The following GSDMB variants were observed in gnomAD, a reference collection of about 807,000 sequenced individuals.
GSDMB encodes gasdermin-B.
In GSDMB, 32 loss-of-function variants were observed where a neutral mutation model predicts 42.9. The ratio of observed to expected loss-of-function variants is 0.75; its 90% CI spans 0.56 to 1.00. GSDMB has a LOEUF of 1.00. GSDMB is among the 50% of genes least tolerant of loss of function. The pLI is 0.00. For missense variants in GSDMB, 468 were observed against 498.5 expected (o/e 0.94, Z 0.58); for synonymous variants, 175 against 193.7 (o/e 0.90, Z 0.80).
At chr17:39,911,235 A>C (rs964502077) in intron 3 of GSDMB, among the ~76,000 whole-genome samples, 1 of 150,652 alleles carries the variant, frequency 6.6e-6, no homozygotes, top group Non-Finnish European at 1.5e-5. Flanking sequence ...AGGCAGAAGA[A>C]TCTCTTGAAT....
intron 2 of GSDMB, among the ~76,000 whole-genome samples, chr17:39,913,022 G>C (rs947217603): frequency 6.6e-6 from 1 of 152,096 alleles, no homozygotes; most frequent in Non-Finnish European, 1.5e-5. Flanking sequence ...CATGAGAATC[G>C]CTTGAACCCA....
chr17:39,909,012 G>T lies in GSDMB; in HGVS notation c.607C>A (p.Arg203=). The T allele has an allele frequency of 6.2e-7, 1 of 1,602,374 alleles. No individual in the cohort carries two copies. The change falls in exon 5 of 11, where the codon CGG becomes AGG. Residue 203 remains arginine, a synonymous_variant. Transcript: ENST00000418519. ...TGCTTTACTCGATAGCTCAGGACCC[G>T]ATTTGGGGGGATGGTCACTTCCCTT... The part of the protein sequence containing the change: ...GQREVTIPPN[R]VLSYRVKQLV...
rs777735571 is a variant in GSDMB, at chr17:39,912,513, T to C, written c.236-16A>G. 6 of 1,602,070 alleles carry C rather than the reference T, an allele frequency of 3.7e-6. No homozygotes were observed. The Admixed American group carries it at 8.3e-5, about 22-fold the overall frequency. On this transcript the variant is annotated splice_polypyrimidine_tract_variant and intron_variant, in intron 2 of 10. Coordinates refer to ENST00000418519, the MANE Select transcript of GSDMB (RefSeq NM_001165958.2). ...GCCTTTTGACCTGGAAAGAGAATGA[T>C]AAAGGTCACTCTGGAGCAGACCCCC...
rs1337250775 is a variant in GSDMB at position 39,909,905 on chromosome 17, G to A, written c.427C>T (p.Pro143Ser). 4.3e-6 allele frequency: 7 copies of A among 1,613,596 alleles called. No homozygotes were observed. Among genetic ancestry groups the A allele is most frequent in the Non-Finnish European group, 5.9e-6 (7 of 1,179,684 alleles). Reference protein sequence around the residue: ...LENRKLKRELPFSFRSINTRE... With the variant: ...LENRKLKRELSFSFRSINTRE... ...GTATTAATTGATCGGAATGAAAAGG[G>A]TAGTTCCCTCTTCAGCTTCCTGGAG... The change falls in exon 4 of 11, where the codon CCC becomes TCC. Residue 143 changes from proline to serine, a missense_variant. Physicochemically the swap from Pro to Ser is moderately conservative, Grantham distance 74. Transcript: ENST00000418519.
intron 2 of GSDMB, among the ~76,000 whole-genome samples, chr17:39,913,047 C>T (rs1480889336): frequency 6.6e-6 from 1 of 152,018 alleles, no homozygotes; most frequent in African/African-American, 2.4e-5. Flanking sequence ...GCGGAGGTTG[C>T]AGTGAGCTGA....
In GSDMB at chr17:39,911,279, TA is replaced by T. The variant is rs2063602395; in HGVS notation, c.407+1046del. On this transcript the variant is annotated intron_variant, in intron 3 of 10. Transcript: ENST00000418519. Reference sequence around the variant, plus strand: ...CAGAGGTTGCAGTGAGCCAAGAATGTACCATTGCACTCCAGCCTGGGCAACA... The same window carrying T: ...CAGAGGTTGCAGTGAGCCAAGAATGTCCATTGCACTCCAGCCTGGGCAACA... Among the ~76,000 whole-genome samples, 10 of 141,992 alleles carry T rather than the reference TA, an allele frequency of 7.0e-5. No individual in the cohort carries two copies. The South Asian group carries it at 2.2e-3, about 31-fold the overall frequency. 93.2% of individuals were successfully genotyped at this position (141,992 alleles called of 152,430 possible). A position where few individuals can be genotyped will look rare whatever the true frequency, so the allele number is the denominator to read the frequency against.
intron 6 of GSDMB, 157 bp from the exon 7 acceptor site, chr17:39,907,144 A>G: frequency 6.8e-7 from 1 of 1,470,758 alleles, no homozygotes; most frequent in Non-Finnish European, 9.0e-7. Context: ...TCAATGGGAA[A>G]GCACTGTATT....
intron 3 of GSDMB, among the ~76,000 whole-genome samples, chr17:39,910,717 G>A (rs887188252): frequency 5.3e-5 from 8 of 152,142 alleles, no homozygotes; most frequent in Admixed American, 2.0e-4. Flanking sequence ...CATTCCCGCT[G>A]GGGGAAACTC....
rs764190637 is a variant in GSDMB at position 39,917,208 on chromosome 17, A to C, written c.109T>G (p.Phe37Val). The C allele has an allele frequency of 1.2e-6, 2 of 1,614,060 alleles. No individual in the cohort carries two copies. Among genetic ancestry groups the C allele is most frequent in the Non-Finnish European group, 1.7e-6 (2 of 1,179,894 alleles). The change falls in exon 2 of 11, where the codon TTC (phenylalanine) becomes GTC (valine). Residue 37 changes from phenylalanine (F) to valine (V), a missense_variant. Coordinates refer to ENST00000418519, the MANE Select transcript of GSDMB (RefSeq NM_001165958.2). ...GTTCTCTTCTCCCCCACCAGATGGA[A>C]GCAGCGGAATCTATCAGCATCAACA... ...SLVDADRFRC[F>V]HLVGEKRTFF...
chr17:39,909,033 C>A lies in GSDMB; in HGVS notation c.586G>T (p.Glu196Ter), dbSNP rs1045886063. Reference protein sequence around the residue: ...HLSYKHKGQREVTIPPNRVLS... With the variant: ...HLSYKHKGQR ...ACCCGATTTGGGGGGATGGTCACTT[C>A]CCTTTGGCCCTAGAAAAAGGAGCTC... The change falls in exon 5 of 11, where the codon GAA becomes TAA. Residue 196 changes from glutamate to a stop codon, truncating the protein, a stop_gained. Transcript: ENST00000418519. LOFTEE classifies it high-confidence loss of function. 6.3e-7 allele frequency: 1 copy of A among 1,593,472 alleles called. No homozygotes were observed. The highest frequency in any genetic ancestry group is 8.5e-7 in the Non-Finnish European group (1 of 1,171,242).
chr17:39,908,326 A>C, intron 5 of GSDMB, 112 bp from the exon 6 acceptor site: 125 of 27,696 alleles, frequency 4.5e-3, no homozygotes, highest in East Asian at 0.038. Flanking sequence ...CCTCCAATCA[A>C]AAAAAAAAAA....
At chr17:39,916,395 G>C (rs1018470249) in intron 2 of GSDMB, among the ~76,000 whole-genome samples, 1 of 147,422 alleles carries the variant, frequency 6.8e-6, no homozygotes. Flanking sequence ...CAATTCTCTT[G>C]CCTCAGCCTC....
intron 3 of GSDMB, among the ~76,000 whole-genome samples, chr17:39,911,107 G>A (rs542017352): frequency 6.6e-6 from 1 of 152,156 alleles, no homozygotes; most frequent in Admixed American, 6.5e-5. Context: ...TTCGAGACCA[G>A]ATCTCTCTCC....
rs764747088 is a variant in GSDMB, at chr17:39,906,610, GA to G, written c.728-340del. 1,769 of 1,304,862 alleles carry G rather than the reference GA, an allele frequency of 1.4e-3. 1 individual carries two copies. Among genetic ancestry groups the G allele is most frequent in the Middle Eastern group, 0.01 (35 of 3,438 alleles). The allele number at this position is 1,304,862 out of a possible 1,614,324, so 80.8% of individuals were successfully genotyped here. A position where few individuals can be genotyped will look rare whatever the true frequency, so the allele number is the denominator to read the frequency against. On this transcript the variant is annotated intron_variant, in intron 7 of 10. Transcript: ENST00000418519. ...ACACTAGAAGTAATTAGGATTTGGA[GA>G]AAGTTAAAGCAGTGGTTCTCAACCT...
At chr17:39,905,758 A>G in intron 9 of GSDMB, 89 bp downstream of exon 9, 3 of 1,409,598 alleles carry the variant, frequency 2.1e-6, no homozygotes, top group Admixed American at 1.8e-5. Flanking sequence ...GAAGAGCAAC[A>G]TGCAGCCCCT....
chr17:39,910,256 G>A (rs7213668), intron 3 of GSDMB, among the ~76,000 whole-genome samples: 29,861 of 152,046 alleles, frequency 0.2, 4,361 homozygotes, highest in East Asian at 0.7. Flanking sequence ...CCCGGGAGGC[G>A]GAGGTTGCAG....
intron 3 of GSDMB, among the ~76,000 whole-genome samples, chr17:39,911,930 C>T (rs557901674): frequency 6.6e-6 from 1 of 151,258 alleles, no homozygotes; most frequent in South Asian, 2.1e-4. Flanking sequence ...AGCGAGACTC[C>T]GTCTCAAAAA....
At chr17:39,916,993 G>C in intron 2 of GSDMB, 89 bp downstream of exon 2, 1 of 822,532 alleles carries the variant, frequency 1.2e-6, no homozygotes, top group African/African-American at 1.7e-5. Context: ...GTTGTTGATT[G>C]GTTGATAACA....
At position 39,906,998 on chromosome 17, in the gene GSDMB, A is replaced by G; in HGVS notation, c.701-11T>C. On this transcript the variant is annotated splice_polypyrimidine_tract_variant and intron_variant, in intron 6 of 10. Coordinates refer to ENST00000418519, the MANE Select transcript of GSDMB (RefSeq NM_001165958.2). ...AAGCACCATCCTTCTCTGCAGAGAG[A>G]GGAAGAGTTATTTCAGAATCTTCAG... The G allele has an allele frequency of 1.1e-5, 17 of 1,613,820 alleles. No homozygotes were observed. The highest frequency in any genetic ancestry group is 1.4e-5 in the Non-Finnish European group (17 of 1,179,752).
Sources: allele counts gnomAD v4.1 joint callset (sites outside exome capture counted in the v4.1 genomes callset), GRCh38; gene constraint gnomAD v4.1.1; transcripts MANE v1.5; gene names NCBI Gene and HGNC (gene_info 2026-07-23, HGNC 2026-07-21).